The following MLYCD variants were observed in gnomAD, a reference collection of about 807,000 sequenced individuals.
MLYCD encodes malonyl-CoA decarboxylase, also known as malonyl-CoA decarboxylase, mitochondrial.
In MLYCD, 27 loss-of-function variants were observed where a neutral mutation model predicts 35.8. That is an observed-to-expected ratio of 0.75 (90% CI 0.56 to 1.04). The LOEUF is 1.04. Among genes scored for constraint, MLYCD ranks in the 50% least tolerant of loss-of-function variants. MLYCD has a pLI of 0.00. For missense variants in MLYCD, 917 were observed against 665.1 expected, an observed-to-expected ratio of 1.38 and a Z score of -4.17; for synonymous variants, 403 against 302.4, an observed-to-expected ratio of 1.33 and a Z score of -3.45.
At position 83,915,488 on chromosome 16, in the gene MLYCD, G is replaced by A. The variant is rs756137101; in HGVS notation, c.1481G>A (p.Ter494=). The change falls in exon 5 of 5, where the codon TGA becomes TAA. Residue 494 remains the stop codon, a stop_retained_variant. Coordinates refer to ENST00000262430, the MANE Select transcript of MLYCD (RefSeq NM_012213.3). ...CAGTTTCAAAAGAACAGCAAGCTCT[G>A]ACAGTAAACCTCTCCTAAAGCACAG... ...VAQFQKNSKL[*] 1.2e-6 allele frequency: 2 copies of A among 1,610,542 alleles called. No individual in the cohort carries two copies. The highest frequency in any genetic ancestry group is 1.7e-4 in the Middle Eastern group (1 of 6,024).
rs1907691777 is a variant in MLYCD, at chr16:83,922,647, T to C, written c.*7158T>C. 1 of 152,290 alleles carries C rather than the reference T, an allele frequency of 6.6e-6. No homozygotes were observed. The highest frequency in any genetic ancestry group is 1.5e-5 in the Non-Finnish European group (1 of 68,076). The allele number at this position is 152,290 out of a possible 1,614,324, so 9.4% of individuals were successfully genotyped here. ...CCATAGTACCGACCCCACAGCCTGC[T>C]GAGAGGCTCAAAGGAGACGATGTAT... On this transcript the variant is annotated 3_prime_UTR_variant, in exon 5 of 5. Coordinates refer to ENST00000262430, the MANE Select transcript of MLYCD (RefSeq NM_012213.3).
rs1314488369 is a variant in MLYCD at position 83,924,465 on chromosome 16, T to G, written c.*8976T>G. 1 of 152,152 alleles carries G rather than the reference T, an allele frequency of 6.6e-6. No individual in the cohort carries two copies. The highest frequency in any genetic ancestry group is 1.5e-5 in the Non-Finnish European group (1 of 68,032). 9.4% of individuals were successfully genotyped at this position (152,152 alleles called of 1,614,324 possible). On this transcript the variant is annotated 3_prime_UTR_variant, in exon 5 of 5. Transcript: ENST00000262430. ...CTCCCGTGCGTCTGTGACAGAGGCT[T>G]GAACCCCCGGCTTGTTCTCTCACGT...
Position 83,923,596 on chromosome 16 carries a change from C to T in MLYCD, c.*8107C>T, listed in dbSNP as rs961587815. 2.6e-5 allele frequency: 4 copies of T among 152,254 alleles called. No homozygotes were observed. Among genetic ancestry groups the T allele is most frequent in the Non-Finnish European group, 5.9e-5 (4 of 68,054 alleles). 9.4% of individuals were successfully genotyped at this position (152,254 alleles called of 1,614,324 possible). ...CTCTGTACACGTTCCTGGTTCCAGC[C>T]TGCCTCCTTCCCTAGAGGATCACCG... On this transcript the variant is annotated 3_prime_UTR_variant, in exon 5 of 5. Coordinates refer to ENST00000262430, the MANE Select transcript of MLYCD (RefSeq NM_012213.3).
chr16:83,918,905 T>G lies in MLYCD; in HGVS notation c.*3416T>G, dbSNP rs1907539152. ...AGAACACTGCACAGGAGAACCACACTGCACAGGAGAATATGCATAAACAGT... is the reference window on the plus strand; with the variant it reads ...AGAACACTGCACAGGAGAACCACACGGCACAGGAGAATATGCATAAACAGT... On this transcript the variant is annotated 3_prime_UTR_variant, in exon 5 of 5. Transcript: ENST00000262430. The G allele has an allele frequency of 7.8e-6, 1 of 127,686 alleles. No individual in the cohort carries two copies. The highest frequency in any genetic ancestry group is 1.6e-5 in the Non-Finnish European group (1 of 63,212). 7.9% of individuals were successfully genotyped at this position (127,686 alleles called of 1,614,324 possible).
In MLYCD at chr16:83,918,561, C is replaced by G. The variant is rs1239686975; in HGVS notation, c.*3072C>G. On this transcript the variant is annotated 3_prime_UTR_variant, in exon 5 of 5. Transcript: ENST00000262430. The stretch of plus-strand genomic sequence containing the variant: ...CATGGTGCACAGGAGAACACGCACA[C>G]ACGGTGCACAGAACACACACAGTGC... 3 of 124,132 alleles carry G rather than the reference C, an allele frequency of 2.4e-5. No individual in the cohort carries two copies. The highest frequency in any genetic ancestry group is 4.8e-5 in the Non-Finnish European group (3 of 62,888). 7.7% of individuals were successfully genotyped at this position (124,132 alleles called of 1,614,324 possible).
At chr16:83,910,243 A>T in intron 3 of MLYCD, among the ~76,000 whole-genome samples, 1 of 146,186 alleles carries the variant, frequency 6.8e-6, no homozygotes, top group Non-Finnish European at 1.5e-5. Flanking sequence ...TGTTTTATTC[A>T]CTTAGTTTTA....
chr16:83,904,856 A>C (rs1341159645), intron 1 of MLYCD, among the ~76,000 whole-genome samples: 3 of 152,120 alleles, frequency 2.0e-5, no homozygotes, highest in Admixed American at 6.5e-5. Context: ...CTTTACACTA[A>C]ATTGAGTCCA....
chr16:83,910,536 A>G (rs1907137209), intron 3 of MLYCD, among the ~76,000 whole-genome samples: 1 of 152,022 alleles, frequency 6.6e-6, no homozygotes, highest in African/African-American at 2.4e-5. Context: ...CTAAAAATAC[A>G]AAAATTAGCC....
rs953006205 is a variant in MLYCD at position 83,919,566 on chromosome 16, C to T, written c.*4077C>T. The T allele has an allele frequency of 6.9e-6, 1 of 144,964 alleles. No individual in the cohort carries two copies. The highest frequency in any genetic ancestry group is 1.5e-5 in the Non-Finnish European group (1 of 67,176). 9.0% of individuals were successfully genotyped at this position (144,964 alleles called of 1,614,324 possible). On this transcript the variant is annotated 3_prime_UTR_variant, in exon 5 of 5. Coordinates refer to ENST00000262430, the MANE Select transcript of MLYCD (RefSeq NM_012213.3). ...GCACAGGAGAACACTGCACAGAACA[C>T]ACGGTGATCAGAACACACAGTGCAC...
At chr16:83,905,326 T>C (rs1906936541) in intron 1 of MLYCD, among the ~76,000 whole-genome samples, 1 of 152,234 alleles carries the variant, frequency 6.6e-6, no homozygotes, top group African/African-American at 2.4e-5. Flanking sequence ...GTCATTCTTG[T>C]ATCAGATGTC....
chr16:83,901,036 G>A (rs963138894), intron 1 of MLYCD, among the ~76,000 whole-genome samples: 2 of 152,078 alleles, frequency 1.3e-5, no homozygotes, highest in Non-Finnish European at 2.9e-5. Flanking sequence ...ATTAAGTATG[G>A]GATTAATGTC....
At chr16:83,902,043 G>C (rs116081118) in intron 1 of MLYCD, among the ~76,000 whole-genome samples, 1,862 of 151,560 alleles carry the variant, frequency 0.012, 47 homozygotes, top group African/African-American at 0.042. Flanking sequence ...GCATGTAACT[G>C]TTAGTAGCTG....
rs531793595 is a variant in MLYCD, at chr16:83,918,697, G to C, written c.*3208G>C. On this transcript the variant is annotated 3_prime_UTR_variant, in exon 5 of 5. Coordinates refer to ENST00000262430, the MANE Select transcript of MLYCD (RefSeq NM_012213.3). Reference sequence around the variant, plus strand: ...AGAATACAGACTGCACAGAACACACGCACAGTGCACAGGAGAAAACGCACA... The same window carrying C: ...AGAATACAGACTGCACAGAACACACCCACAGTGCACAGGAGAAAACGCACA... 7.7e-6 allele frequency: 1 copy of C among 130,390 alleles called. No individual in the cohort carries two copies. The highest frequency in any genetic ancestry group is 3.0e-5 in the African/African-American group (1 of 33,736). 8.1% of individuals were successfully genotyped at this position (130,390 alleles called of 1,614,324 possible).
rs1490784739 is a variant in MLYCD, at chr16:83,915,242, G to A, written c.1235G>A (p.Arg412His). 1.9e-6 allele frequency: 3 copies of A among 1,612,946 alleles called. No individual in the cohort carries two copies. The highest frequency in any genetic ancestry group is 1.7e-5 in the Admixed American group (1 of 59,992). Reference sequence around the variant, plus strand: ...TGGTACCTGTATGGAGAGAAGCACCGCGGCTACGCGCTGAACCCCGTGGCC... The same window carrying A: ...TGGTACCTGTATGGAGAGAAGCACCACGGCTACGCGCTGAACCCCGTGGCC... The part of the protein sequence containing the change: ...CAWYLYGEKH[R>H]GYALNPVANF... The change falls in exon 5 of 5, where the codon CGC (arginine) becomes CAC (histidine). Residue 412 changes from arginine to histidine, a missense_variant. Coordinates refer to ENST00000262430, the MANE Select transcript of MLYCD (RefSeq NM_012213.3).
At position 83,915,488 on chromosome 16, in the gene MLYCD, G is replaced by T. The variant is rs756137101; in HGVS notation, c.1481G>T (p.Ter494LeuextTer2). Residue 494 changes from the stop codon to leucine (L), a stop_lost, in exon 5 of 5, where the codon TGA becomes TTA. Coordinates refer to ENST00000262430, the MANE Select transcript of MLYCD (RefSeq NM_012213.3). ...VAQFQKNSKL[*>L] The stretch of plus-strand genomic sequence containing the variant: ...CAGTTTCAAAAGAACAGCAAGCTCT[G>T]ACAGTAAACCTCTCCTAAAGCACAG... 30 of 1,610,424 alleles carry T rather than the reference G, an allele frequency of 1.9e-5. No homozygotes were observed. Among genetic ancestry groups the T allele is most frequent in the Middle Eastern group, 1.7e-4 (1 of 6,046 alleles).
rs1219080939 is a variant in MLYCD at position 83,916,803 on chromosome 16, G to C, written c.*1314G>C. ...GTGCACGAGCGTTCTATGTGGATCA[G>C]TGCACGCCTGTGTGCGTGTGCACGA... On this transcript the variant is annotated 3_prime_UTR_variant, in exon 5 of 5. Transcript: ENST00000262430. The C allele has an allele frequency of 1.5e-5, 2 of 132,486 alleles. No homozygotes were observed. The highest frequency in any genetic ancestry group is 3.0e-5 in the African/African-American group (1 of 33,734). The allele number at this position is 132,486 out of a possible 1,614,324, so 8.2% of individuals were successfully genotyped here.
intron 4 of MLYCD, chr16:83,914,718 G>A: frequency 1.8e-6 from 1 of 541,770 alleles, no homozygotes; most frequent in Non-Finnish European, 3.3e-6. Context: ...GATGGAGGCT[G>A]CAGTGAGCCA....
intron 3 of MLYCD, among the ~76,000 whole-genome samples, chr16:83,908,625 A>T (rs1202028120): frequency 1.3e-5 from 2 of 152,250 alleles, no homozygotes; most frequent in Non-Finnish European, 2.9e-5. Context: ...TTACCTTTAC[A>T]GCTTTTGTTA....
chr16:83,916,017 A>G lies in MLYCD; in HGVS notation c.*528A>G. The G allele has an allele frequency of 9.9e-7, 1 of 1,005,308 alleles. No individual in the cohort carries two copies. Among genetic ancestry groups the G allele is most frequent in the Non-Finnish European group, 1.2e-6 (1 of 840,076 alleles). The allele number at this position is 1,005,308 out of a possible 1,614,324, so 62.3% of individuals were successfully genotyped here. On this transcript the variant is annotated 3_prime_UTR_variant, in exon 5 of 5. Coordinates refer to ENST00000262430, the MANE Select transcript of MLYCD (RefSeq NM_012213.3). ...ACATTCTGAAGCTCATAAATGTATGAGAAGGTTTGTGATTTTGCACAAGGT... is the reference window on the plus strand; with the variant it reads ...ACATTCTGAAGCTCATAAATGTATGGGAAGGTTTGTGATTTTGCACAAGGT...
Sources: gnomAD v4.1 joint callset for allele counts (sites outside exome capture counted in the v4.1 genomes callset) on GRCh38, gnomAD v4.1.1 for gene constraint, MANE v1.5 for transcripts, NCBI Gene and HGNC (gene_info 2026-07-23, HGNC 2026-07-21) for gene names.